Variants in PLXDC2 observed in about 807,000 individuals in gnomAD.
PLXDC2 encodes the protein plexin domain containing 2.
Under a neutral mutation model 68.9 loss-of-function variants are expected in PLXDC2, and 40 were observed. That is an observed-to-expected ratio of 0.58 (90% CI 0.45 to 0.76). The LOEUF (loss-of-function observed/expected upper bound fraction) is 0.76. PLXDC2 is among the 30% of genes least tolerant of loss of function. The pLI is 0.00. For synonymous variants in PLXDC2, 243 were observed against 234.2 expected (o/e 1.04, Z -0.34); for missense variants, 644 against 661.9 (o/e 0.97, Z 0.30).
At chr10:19,818,034 C>T (rs1233553000) in intron 1 of PLXDC2, among the ~76,000 whole-genome samples, 2 of 152,142 alleles carry the variant, frequency 1.3e-5, no homozygotes, top group Admixed American at 1.3e-4. Flanking sequence ...GTGCCTACTC[C>T]CCATTTCTGC....
intron 1 of PLXDC2, among the ~76,000 whole-genome samples, chr10:19,936,263 G>T (rs1375756283): frequency 2.0e-5 from 3 of 152,142 alleles, no homozygotes; most frequent in Non-Finnish European, 2.9e-5. Flanking sequence ...CTCTCTCAGG[G>T]TCTCTATCAC....
chr10:20,146,497 T>TTCCTTCCC (rs1396037197), intron 5 of PLXDC2, among the ~76,000 whole-genome samples: 1 of 107,222 alleles, frequency 9.3e-6, no homozygotes, highest in Non-Finnish European at 1.9e-5. Context: ...TTTTCCTTCC[T>TTCCTTCCC]TCCTTCCTTC....
chr10:20,231,566 T>A (rs890104550), intron 12 of PLXDC2, among the ~76,000 whole-genome samples: 7 of 151,534 alleles, frequency 4.6e-5, no homozygotes, highest in Non-Finnish European at 7.4e-5. Context: ...TTAAAAATAT[T>A]AATTTTAAAA....
intron 1 of PLXDC2, among the ~76,000 whole-genome samples, chr10:19,988,040 C>T (rs1834678302): frequency 6.6e-6 from 1 of 152,068 alleles, no homozygotes; most frequent in African/African-American, 2.4e-5. Flanking sequence ...TTTCTTCTCC[C>T]AGCCTTTGTT....
chr10:20,155,633 TC>T (rs1349300656), intron 6 of PLXDC2, among the ~76,000 whole-genome samples: 9 of 152,216 alleles, frequency 5.9e-5, no homozygotes, highest in African/African-American at 2.2e-4. Context: ...TAAAATTTTA[TC>T]TACACAGCTT....
chr10:19,871,991 C>A (rs140218690), intron 1 of PLXDC2, among the ~76,000 whole-genome samples: 1 of 151,724 alleles, frequency 6.6e-6, no homozygotes, highest in Admixed American at 6.6e-5. Flanking sequence ...TTACTTTTAT[C>A]TTTCCAGAAC....
chr10:20,111,340 A>T (rs1244697653), intron 4 of PLXDC2, among the ~76,000 whole-genome samples: 2 of 152,210 alleles, frequency 1.3e-5, no homozygotes, highest in Non-Finnish European at 2.9e-5. Flanking sequence ...TATTTACTTT[A>T]AAAACAGAAG....
intron 6 of PLXDC2, among the ~76,000 whole-genome samples, chr10:20,152,704 T>C (rs1167199282): frequency 6.6e-6 from 1 of 152,128 alleles, no homozygotes; most frequent in Non-Finnish European, 1.5e-5. Flanking sequence ...TTTTAAACCT[T>C]ATGACTAATA....
At chr10:20,161,455 T>C (rs77345148) in intron 6 of PLXDC2, among the ~76,000 whole-genome samples, 37 of 145,678 alleles carry the variant, frequency 2.5e-4, no homozygotes, top group African/African-American at 8.6e-4. Flanking sequence ...CTCTCTCTCT[T>C]TTTTTTTTTT....
intron 1 of PLXDC2, among the ~76,000 whole-genome samples, chr10:19,868,099 A>G (rs1837456498): frequency 6.6e-6 from 1 of 152,134 alleles, no homozygotes; most frequent in Admixed American, 6.5e-5. Flanking sequence ...TATTTTTTGA[A>G]TTGAATTGAA....
intron 1 of PLXDC2, among the ~76,000 whole-genome samples, chr10:19,899,533 T>C (rs1838123471): frequency 6.6e-6 from 1 of 152,182 alleles, no homozygotes; most frequent in Admixed American, 6.5e-5. Flanking sequence ...CTCATGAATC[T>C]TATCACGCCT....
chr10:20,208,715 C>T (rs1187112459), intron 9 of PLXDC2, among the ~76,000 whole-genome samples: 3 of 151,960 alleles, frequency 2.0e-5, no homozygotes, highest in Admixed American at 1.3e-4. Context: ...ACATAAGTAT[C>T]GGGGGAAATT....
intron 9 of PLXDC2, among the ~76,000 whole-genome samples, chr10:20,184,330 T>C (rs1252131746): frequency 2.0e-5 from 3 of 148,924 alleles, no homozygotes; most frequent in Non-Finnish European, 4.5e-5. Flanking sequence ...ACTTGTTTTA[T>C]GTGTATATAA....
intron 9 of PLXDC2, among the ~76,000 whole-genome samples, chr10:20,204,931 T>A (rs535095548): frequency 6.6e-6 from 1 of 152,318 alleles, no homozygotes; most frequent in African/African-American, 2.4e-5. Flanking sequence ...TCTTCATGGA[T>A]GTTTCATTTC....
chr10:20,153,601 T>A (rs926539960), intron 6 of PLXDC2, among the ~76,000 whole-genome samples: 2 of 152,170 alleles, frequency 1.3e-5, no homozygotes, highest in Admixed American at 1.3e-4. Flanking sequence ...ACCTCCAAAG[T>A]TGATAAAATC....
At chr10:20,206,820 G>A (rs576889709) in intron 9 of PLXDC2, among the ~76,000 whole-genome samples, 1 of 151,632 alleles carries the variant, frequency 6.6e-6, no homozygotes, top group South Asian at 2.1e-4. Flanking sequence ...GTGCTGGATA[G>A]TGATATGGTT....
intron 13 of PLXDC2, among the ~76,000 whole-genome samples, chr10:20,262,633 A>G (rs1835823425): frequency 6.6e-6 from 1 of 152,232 alleles, no homozygotes; most frequent in African/African-American, 2.4e-5. Flanking sequence ...TGCTGCTTTA[A>G]GCGGGTACCG....
chr10:19,885,215 G>C (rs1837819363), intron 1 of PLXDC2, among the ~76,000 whole-genome samples: 1 of 151,742 alleles, frequency 6.6e-6, no homozygotes, highest in Non-Finnish European at 1.5e-5. Flanking sequence ...TTTTTTTCTT[G>C]TAAATTTGTT....
intron 1 of PLXDC2, among the ~76,000 whole-genome samples, chr10:19,927,292 C>A (rs1833551883): frequency 6.6e-6 from 1 of 152,096 alleles, no homozygotes; most frequent in Admixed American, 6.5e-5. Context: ...GAGGGAGTGA[C>A]AACACCTAGG....
Sources: gnomAD v4.1 joint callset for allele counts (sites outside exome capture counted in the v4.1 genomes callset) on GRCh38, gnomAD v4.1.1 for gene constraint, MANE v1.5 for transcripts, NCBI Gene and HGNC (gene_info 2026-07-23, HGNC 2026-07-21) for gene names.